ERMARD: variants seen among roughly 807,000 people sequenced by gnomAD.
ERMARD encodes endoplasmic reticulum membrane-associated RNA degradation protein.
ERMARD carries 71 observed loss-of-function variants against 83.9 expected under a neutral mutation model. That is an observed-to-expected ratio of 0.85 (90% CI 0.70 to 1.03). The LOEUF is 1.03. ERMARD is among the 50% of genes least tolerant of loss of function. The pLI is 0.00. For missense variants in ERMARD, 838 were observed against 810.9 expected, an observed-to-expected ratio of 1.03 and a Z score of -0.41; for synonymous variants, 284 against 298.6, an observed-to-expected ratio of 0.95 and a Z score of 0.50.
At chr6:169,772,998 T>A in intron 12 of ERMARD, 1 of 267,788 alleles carries the variant, frequency 3.7e-6, no homozygotes, top group Non-Finnish European at 7.0e-6. Flanking sequence ...TCATTTTTAG[T>A]GTTTAAGTAA....
intron 9 of ERMARD, among the ~76,000 whole-genome samples, chr6:169,764,859 G>C (rs1320338820): frequency 6.6e-6 from 1 of 152,168 alleles, no homozygotes; most frequent in Non-Finnish European, 1.5e-5. Context: ...CCACAAAAGC[G>C]ACCTTCCAGA....
Position 169,751,676 on chromosome 6 carries a change from T to G in ERMARD, c.6+13T>G. On this transcript the variant is annotated intron_variant, in intron 1 of 17. Transcript: ENST00000366773. ...GGAAGTTATGGAGGTAGGGCGGGTG[T>G]AGGGCCCGGTTCGATCCCGAGCTAG... The G allele has an allele frequency of 6.4e-7, 1 of 1,552,698 alleles. No homozygotes were observed. The highest frequency in any genetic ancestry group is 8.7e-7 in the Non-Finnish European group (1 of 1,148,568).
chr6:169,752,745 C>T (rs1022357621), intron 1 of ERMARD, among the ~76,000 whole-genome samples: 10 of 152,188 alleles, frequency 6.6e-5, no homozygotes, highest in African/African-American at 2.4e-4. Flanking sequence ...CTGAATTTGA[C>T]TTCTTTGCAG....
chr6:169,775,391 A>G (rs1793465280), intron 14 of ERMARD, 45 bp downstream of exon 14: 1 of 1,590,770 alleles, frequency 6.3e-7, no homozygotes. Context: ...CTTGTCTGGT[A>G]CTATTAGTTT....
chr6:169,751,903 T>C, intron 1 of ERMARD: 3 of 544,456 alleles, frequency 5.5e-6, no homozygotes, highest in Non-Finnish European at 8.9e-6. Flanking sequence ...GGTTTCTCCG[T>C]CGCCTCCTGG....
chr6:169,775,835 TCA>T, intron 14 of ERMARD, 103 bp from the exon 15 acceptor site: 1 of 1,368,216 alleles, frequency 7.3e-7, no homozygotes, highest in Non-Finnish European at 9.8e-7. Context: ...AAAGTGAGAT[TCA>T]CAGTCAGGTC....
intron 8 of ERMARD, among the ~76,000 whole-genome samples, 175 bp from the exon 9 acceptor site, chr6:169,762,254 T>C (rs777764210): frequency 2.0e-5 from 3 of 152,120 alleles, no homozygotes; most frequent in Non-Finnish European, 4.4e-5. Context: ...TCTGCTAATT[T>C]CTAAATTTTT....
intron 10 of ERMARD, 66 bp downstream of exon 10, chr6:169,766,733 T>C: frequency 6.9e-7 from 1 of 1,457,164 alleles, no homozygotes; most frequent in Non-Finnish European, 9.1e-7. Context: ...AAAATACAAA[T>C]TAAAATGCAA....
At position 169,760,698 on chromosome 6, in the gene ERMARD, A is replaced by G. The variant is rs2128346268; in HGVS notation, c.799A>G (p.Ile267Val). The change falls in exon 8 of 18, where the codon ATA becomes GTA. Residue 267 changes from isoleucine (I) to valine (V), a missense_variant. Transcript: ENST00000366773. ...LEEVMMKSAFILKIMLPYWEV... is the reference protein window; with the variant it reads ...LEEVMMKSAFVLKIMLPYWEV... Reference sequence around the variant, plus strand: ...AGAAGTGATGATGAAATCTGCTTTTATATTAAAAATCATGTTACCATATTG... The same window carrying G: ...AGAAGTGATGATGAAATCTGCTTTTGTATTAAAAATCATGTTACCATATTG... 2.5e-6 allele frequency: 4 copies of G among 1,614,016 alleles called. No individual in the cohort carries two copies. The highest frequency in any genetic ancestry group is 2.7e-5 in the African/African-American group (2 of 75,058).
Position 169,760,626 on chromosome 6 carries a change from G to A in ERMARD, c.743-16G>A, listed in dbSNP as rs533038236. ...GATCAGTATGATTGTGTTTAAAACCGTGTGTTATTTTACAGATGTTACTTA... is the reference window on the plus strand; with the variant it reads ...GATCAGTATGATTGTGTTTAAAACCATGTGTTATTTTACAGATGTTACTTA... On this transcript the variant is annotated splice_polypyrimidine_tract_variant and intron_variant, in intron 7 of 17. Transcript: ENST00000366773. 1.7e-5 allele frequency: 26 copies of A among 1,521,950 alleles called. No homozygotes were observed. Among genetic ancestry groups the A allele is most frequent in the East Asian group, 1.1e-4 (5 of 44,360 alleles). 94.3% of individuals were successfully genotyped at this position (1,521,950 alleles called of 1,614,324 possible).
chr6:169,775,215 A>C (rs1243696766), intron 13 of ERMARD, 55 bp from the exon 14 acceptor site: 2 of 1,562,744 alleles, frequency 1.3e-6, no homozygotes, highest in Non-Finnish European at 1.8e-6. Flanking sequence ...AAAAACACAG[A>C]TTTTCTAGGA....
intron 17 of ERMARD, 57 bp from the exon 18 acceptor site, chr6:169,781,273 A>G: frequency 1.4e-6 from 2 of 1,451,658 alleles, no homozygotes; most frequent in Non-Finnish European, 1.8e-6. Context: ...GAAGACATTT[A>G]ATTCATTGTT....
At chr6:169,773,761 T>C (rs1793256999) in intron 13 of ERMARD, among the ~76,000 whole-genome samples, 1 of 152,200 alleles carries the variant, frequency 6.6e-6, no homozygotes, top group South Asian at 2.1e-4. Context: ...GTAACGTCAG[T>C]TTTTCTTCTA....
chr6:169,751,800 G>A, intron 1 of ERMARD, 137 bp downstream of exon 1: 1 of 1,290,970 alleles, frequency 7.7e-7, no homozygotes, highest in Non-Finnish European at 1.0e-6. Context: ...GGAGGGCGCT[G>A]GCGACGTCGC....
At chr6:169,766,513 G>T in intron 9 of ERMARD, 125 bp from the exon 10 acceptor site, 1 of 649,644 alleles carries the variant, frequency 1.5e-6, no homozygotes, top group Non-Finnish European at 2.6e-6. Flanking sequence ...CTAGATGAAT[G>T]TTTGTTTTAA....
intron 9 of ERMARD, among the ~76,000 whole-genome samples, chr6:169,765,713 AAT>A (rs1477017563): frequency 6.6e-6 from 1 of 152,264 alleles, no homozygotes; most frequent in Admixed American, 6.5e-5. Context: ...TGAAATTTAA[AAT>A]AGATTATTAA....
Position 169,776,567 on chromosome 6 carries a change from C to A in ERMARD, c.1633C>A (p.Arg545Ser). 6.2e-7 allele frequency: 1 copy of A among 1,614,220 alleles called. No individual in the cohort carries two copies. Among genetic ancestry groups the A allele is most frequent in the Non-Finnish European group, 8.5e-7 (1 of 1,180,044 alleles). ...CCGAAGCATCAGCGAACAGTGCCGC[C>A]GTGTGTCCAGCCAGGTCACCGTTGC... is the stretch of plus-strand genomic sequence containing the variant. Reference protein sequence around the residue: ...VLRSISEQCRRVSSQVTVASE... With the variant: ...VLRSISEQCRSVSSQVTVASE... Residue 545 changes from arginine to serine, a missense_variant, in exon 16 of 18, where the codon CGT becomes AGT. Coordinates refer to ENST00000366773, the MANE Select transcript of ERMARD (RefSeq NM_018341.3).
intron 10 of ERMARD, chr6:169,767,555 A>C (rs887097903): frequency 6.3e-6 from 1 of 157,494 alleles, no homozygotes; most frequent in African/African-American, 2.4e-5. Flanking sequence ...GCATACACAC[A>C]CTCTAATGTG....
At chr6:169,767,353 G>A (rs143811271) in intron 10 of ERMARD, 1 of 152,426 alleles carries the variant, frequency 6.6e-6, no homozygotes, top group African/African-American at 2.4e-5. Flanking sequence ...GTGAGGAATT[G>A]ATTAGATAGT....
Sources: gnomAD v4.1 joint callset for allele counts (sites outside exome capture counted in the v4.1 genomes callset) on GRCh38, gnomAD v4.1.1 for gene constraint, MANE v1.5 for transcripts, NCBI Gene and HGNC (gene_info 2026-07-23, HGNC 2026-07-21) for gene names.